Variants in NR3C2 observed in about 807,000 individuals in gnomAD.
NR3C2 encodes the protein nuclear receptor subfamily 3 group C member 2, also known as mineralocorticoid receptor.
A neutral mutation model predicts 86.4 loss-of-function variants in NR3C2; 15 were observed. The ratio of observed to expected loss-of-function variants is 0.17; its 90% CI spans 0.12 to 0.27. The LOEUF (loss-of-function observed/expected upper bound fraction) is 0.27, where lower values mean the gene tolerates loss of function less well. Among genes scored for constraint, NR3C2 ranks in the 10% least tolerant of loss-of-function variants. The pLI, the probability that NR3C2 is intolerant of heterozygous loss-of-function variation, is 1.00. For synonymous variants in NR3C2, 458 were observed against 450.5 expected, an observed-to-expected ratio of 1.02 and a Z score of -0.21; for missense variants, 960 against 1,195.6, an observed-to-expected ratio of 0.80 and a Z score of 2.91.
chr4:148,439,628 C>T (rs1270958107), intron 1 of NR3C2, among the ~76,000 whole-genome samples: 4 of 152,172 alleles, frequency 2.6e-5, no homozygotes, highest in South Asian at 2.1e-4. Flanking sequence ...TTGGGAAGGG[C>T]GGTCCACTCT....
At chr4:148,388,149 A>G (rs559135033) in intron 2 of NR3C2, among the ~76,000 whole-genome samples, 1 of 152,320 alleles carries the variant, frequency 6.6e-6, no homozygotes, top group South Asian at 2.1e-4. Flanking sequence ...AATAATTTAC[A>G]TGCTAGGGTA....
At chr4:148,120,998 TTTCTC>T (rs1732482787) in intron 6 of NR3C2, among the ~76,000 whole-genome samples, 1 of 152,244 alleles carries the variant, frequency 6.6e-6, no homozygotes, top group Non-Finnish European at 1.5e-5. Flanking sequence ...AAGTCATTAT[TTTCTC>T]TTTTCTTGAG....
At chr4:148,417,487 G>T (rs1749070381) in intron 2 of NR3C2, among the ~76,000 whole-genome samples, 1 of 152,140 alleles carries the variant, frequency 6.6e-6, no homozygotes. Flanking sequence ...AGATTGTAAA[G>T]ACTTGATACT....
chr4:148,359,353 T>G (rs916719300), intron 2 of NR3C2, among the ~76,000 whole-genome samples: 1 of 152,306 alleles, frequency 6.6e-6, no homozygotes, highest in South Asian at 2.1e-4. Context: ...GACCACATAG[T>G]TCTTACATGT....
At chr4:148,134,073 T>C (rs901161918) in intron 6 of NR3C2, among the ~76,000 whole-genome samples, 2 of 152,220 alleles carry the variant, frequency 1.3e-5, no homozygotes, top group Non-Finnish European at 2.9e-5. Flanking sequence ...GTTTCTTCTA[T>C]TGGAATCATC....
chr4:148,322,021 T>C (rs1186357005), intron 2 of NR3C2, among the ~76,000 whole-genome samples: 3 of 152,246 alleles, frequency 2.0e-5, no homozygotes. Context: ...TGGTACTGGT[T>C]GTTCCTTTCC....
At chr4:148,280,000 C>T (rs1741156288) in intron 2 of NR3C2, among the ~76,000 whole-genome samples, 2 of 152,186 alleles carry the variant, frequency 1.3e-5, no homozygotes, top group Non-Finnish European at 2.9e-5. Flanking sequence ...ACTGGGATTA[C>T]AGGCATGAAC....
At chr4:148,094,425 G>A (rs1239602053) in intron 8 of NR3C2, among the ~76,000 whole-genome samples, 1 of 152,190 alleles carries the variant, frequency 6.6e-6, no homozygotes, top group African/African-American at 2.4e-5. Context: ...TTGTACATAA[G>A]TGTTCACAGC....
chr4:148,407,631 A>C (rs918438220), intron 2 of NR3C2, among the ~76,000 whole-genome samples: 4 of 152,202 alleles, frequency 2.6e-5, no homozygotes, highest in African/African-American at 9.6e-5. Flanking sequence ...TATCATTTGC[A>C]AGCATACGCA....
At chr4:148,248,375 G>A (rs952897383) in intron 3 of NR3C2, among the ~76,000 whole-genome samples, 7 of 152,196 alleles carry the variant, frequency 4.6e-5, no homozygotes, top group Non-Finnish European at 8.8e-5. Flanking sequence ...GTGCAGGCCA[G>A]ATGAAAAATG....
chr4:148,301,433 A>G (rs561256880), intron 2 of NR3C2, among the ~76,000 whole-genome samples: 2 of 152,226 alleles, frequency 1.3e-5, no homozygotes, highest in Non-Finnish European at 2.9e-5. Context: ...GAAATAGTTA[A>G]GATAAAGCTC....
chr4:148,097,377 G>A (rs942632606), intron 8 of NR3C2, among the ~76,000 whole-genome samples: 27 of 152,146 alleles, frequency 1.8e-4, no homozygotes, highest in African/African-American at 5.3e-4. Context: ...CTGATTTAAC[G>A]AATACTGAAC....
At chr4:148,318,037 C>T (rs1337579691) in intron 2 of NR3C2, among the ~76,000 whole-genome samples, 1 of 131,378 alleles carries the variant, frequency 7.6e-6, no homozygotes, top group African/African-American at 2.8e-5. Flanking sequence ...CCCCCCACCC[C>T]ACAACAGTCC....
intron 2 of NR3C2, among the ~76,000 whole-genome samples, chr4:148,329,291 A>C (rs1744111218): frequency 6.6e-6 from 1 of 151,992 alleles, no homozygotes; most frequent in African/African-American, 2.4e-5. Context: ...CCACTGATTC[A>C]ATCTCAGAAT....
At chr4:148,154,480 G>C in intron 5 of NR3C2, 71 bp downstream of exon 5, 2 of 1,382,504 alleles carry the variant, frequency 1.4e-6, no homozygotes, top group Non-Finnish European at 1.0e-6. Context: ...TGCATGGTTG[G>C]AGATGGCGAA....
At chr4:148,158,380 T>C (rs1362805938) in intron 4 of NR3C2, among the ~76,000 whole-genome samples, 1 of 152,228 alleles carries the variant, frequency 6.6e-6, no homozygotes, top group African/African-American at 2.4e-5. Flanking sequence ...CTCCTCTAAG[T>C]CTCAACTGAT....
chr4:148,287,150 CTTTT>C (rs998008281), intron 2 of NR3C2, among the ~76,000 whole-genome samples: 1 of 152,206 alleles, frequency 6.6e-6, no homozygotes, highest in East Asian at 1.9e-4. Context: ...ATGGAAACCA[CTTTT>C]TTTCTCTACT....
intron 4 of NR3C2, among the ~76,000 whole-genome samples, chr4:148,176,713 G>A (rs1228020090): frequency 4.6e-5 from 7 of 152,070 alleles, no homozygotes; most frequent in Non-Finnish European, 1.0e-4. Context: ...CAAGGCCAGC[G>A]CCTACCTTCT....
At chr4:148,374,058 T>A (rs770884661) in intron 2 of NR3C2, among the ~76,000 whole-genome samples, 1 of 152,314 alleles carries the variant, frequency 6.6e-6, no homozygotes, top group Middle Eastern at 3.4e-3. Context: ...CTAGATTTTA[T>A]CTGTACTGGA....
Sources: gnomAD v4.1 joint callset for allele counts (sites outside exome capture counted in the v4.1 genomes callset) on GRCh38, gnomAD v4.1.1 for gene constraint, MANE v1.5 for transcripts, NCBI Gene and HGNC (gene_info 2026-07-23, HGNC 2026-07-21) for gene names.